Variants in FMOD observed in about 807,000 individuals in gnomAD.
The protein encoded by FMOD is fibromodulin.
In FMOD, 15 loss-of-function variants were observed where a neutral mutation model predicts 27.0. The observed-to-expected ratio is 0.55, with a 90% CI of 0.37 to 0.85. FMOD has a LOEUF of 0.85. Ranked by LOEUF, FMOD falls within the 40% of genes least tolerant of loss-of-function variation. The probability of loss-of-function intolerance (pLI) is 0.00; values close to 1 mark genes in which losing one functional copy is unlikely to be tolerated. For synonymous variants in FMOD, 210 were observed against 214.0 expected (o/e 0.98, Z 0.16); for missense variants, 460 against 483.2 (o/e 0.95, Z 0.45).
chr1:203,348,346 T>A, intron 1 of FMOD, 69 bp from the exon 2 acceptor site: 1 of 1,509,744 alleles, frequency 6.6e-7, no homozygotes, highest in East Asian at 2.3e-5. Flanking sequence ...TGAGGCAGAG[T>A]AGGCAAGCCT....
chr1:203,344,203 T>A (rs1259183266), intron 2 of FMOD, among the ~76,000 whole-genome samples: 7 of 152,154 alleles, frequency 4.6e-5, no homozygotes, highest in Non-Finnish European at 1.0e-4. Context: ...GTGGCTCAGC[T>A]TAAGTATCAT....
At chr1:203,346,906 C>T (rs773686012) in intron 2 of FMOD, among the ~76,000 whole-genome samples, 8 of 152,204 alleles carry the variant, frequency 5.3e-5, no homozygotes, top group Admixed American at 2.0e-4. Context: ...ATCTCAGACA[C>T]GTGACATTTC....
In FMOD at chr1:203,347,295, T is replaced by C; in HGVS notation, c.976A>G (p.Asn326Asp). The C allele has an allele frequency of 6.2e-7, 1 of 1,608,812 alleles. No individual in the cohort carries two copies. Among genetic ancestry groups the C allele is most frequent in the Non-Finnish European group, 8.5e-7 (1 of 1,177,402 alleles). The change falls in exon 2 of 3, where the codon AAT becomes GAT. Residue 326 changes from asparagine to aspartate, a missense_variant. Transcript: ENST00000354955. ...ENLYLQGNRI[N>D]EFSISSFCTV... ...CCTCCCTTTGCCAAGGTCTCACCAT[T>C]GATCCTATTGCCTTGGAGGTAGAGG...
Position 203,347,379 on chromosome 1 carries a change from G to T in FMOD, c.892C>A (p.Leu298Ile), listed in dbSNP as rs201969614. 10 of 1,614,212 alleles carry T rather than the reference G, an allele frequency of 6.2e-6. No homozygotes were observed. The East Asian group carries it at 2.0e-4, about 32-fold the overall frequency. ...NTFNSSSLLE[L>I]DLSYNQLQKI... ...TGCAGCTGGTTGTAGGAGAGGTCTA[G>T]CTCAAGGAGGCTGCTGGAATTGAAG... The change falls in exon 2 of 3, where the codon CTA (leucine) becomes ATA (isoleucine). Residue 298 changes from leucine to isoleucine, a missense_variant. Coordinates refer to ENST00000354955, the MANE Select transcript of FMOD (RefSeq NM_002023.5).
intron 1 of FMOD, 143 bp from the exon 2 acceptor site, chr1:203,348,420 C>T: frequency 1.2e-6 from 1 of 857,112 alleles, no homozygotes; most frequent in East Asian, 2.7e-5. Context: ...GCCTTGCTCT[C>T]ATTTCTTCGG....
chr1:203,350,060 C>T (rs1051434681), intron 1 of FMOD, among the ~76,000 whole-genome samples: 9 of 152,244 alleles, frequency 5.9e-5, no homozygotes, highest in African/African-American at 2.2e-4. Context: ...ACCAAGGTGG[C>T]TGTCTGGAGG....
chr1:203,348,355 C>A, intron 1 of FMOD, 78 bp from the exon 2 acceptor site: 1 of 1,480,014 alleles, frequency 6.8e-7, no homozygotes, highest in Non-Finnish European at 9.1e-7. Flanking sequence ...GTAGGCAAGC[C>A]TTAGGCTTTG....
At position 203,348,786 on chromosome 1, in the gene FMOD, G is replaced by T. The variant is rs542085259; in HGVS notation, c.-7-509C>A. 5.3e-5 allele frequency among the ~76,000 whole-genome samples: 8 copies of T among 152,360 alleles called. No individual in the cohort carries two copies. In the East Asian group the frequency reaches 1.2e-3, roughly 22 times the overall value. The stretch of plus-strand genomic sequence containing the variant: ...GGGAGACCTCCAGAAGCCGCTTGAC[G>T]CATCGAAGGGGAAGAGCTGAACTAC... On this transcript the variant is annotated intron_variant, in intron 1 of 2. Transcript: ENST00000354955.
intron 1 of FMOD, among the ~76,000 whole-genome samples, 192 bp from the exon 2 acceptor site, chr1:203,348,469 G>A (rs764013123): frequency 2.6e-4 from 39 of 152,188 alleles, no homozygotes; most frequent in Non-Finnish European, 5.1e-4. Context: ...GGTCCAGCCG[G>A]ACCATGGCTA....
At chr1:203,342,532 C>A in intron 2 of FMOD, 38 bp from the exon 3 acceptor site, 1 of 1,591,680 alleles carries the variant, frequency 6.3e-7, no homozygotes, top group African/African-American at 1.3e-5. Flanking sequence ...GGGAGAGAAG[C>A]CCAGATTACG....
At chr1:203,343,031 G>A (rs951476212) in intron 2 of FMOD, among the ~76,000 whole-genome samples, 39 of 152,150 alleles carry the variant, frequency 2.6e-4, no homozygotes, top group African/African-American at 9.4e-4. Flanking sequence ...TGTGTGCCAG[G>A]GCTTTGAGTG....
At chr1:203,349,965 C>CAT (rs1658962842) in intron 1 of FMOD, among the ~76,000 whole-genome samples, 1 of 152,238 alleles carries the variant, frequency 6.6e-6, no homozygotes, top group Non-Finnish European at 1.5e-5. Context: ...TGGCTGGTTC[C>CAT]TGGCTCTGGC....
chr1:203,348,163 G>C lies in FMOD; in HGVS notation c.108C>G (p.Ser36=). 1 of 1,614,174 alleles carries C rather than the reference G, an allele frequency of 6.2e-7. No individual in the cohort carries two copies. Among genetic ancestry groups the C allele is most frequent in the Non-Finnish European group, 8.5e-7 (1 of 1,180,032 alleles). The change falls in exon 2 of 3, where the codon TCC becomes TCG. Residue 36 remains serine (S), a synonymous_variant. Coordinates refer to ENST00000354955, the MANE Select transcript of FMOD (RefSeq NM_002023.5). ...AAGGGTCATAGGGATCGTAGTAGGTGGACTGCTGGCTGCGGAGGTAGTGGA... is the reference window on the plus strand; with the variant it reads ...AAGGGTCATAGGGATCGTAGTAGGTCGACTGCTGGCTGCGGAGGTAGTGGA... ...WWFHYLRSQQ[S]TYYDPYDPYP... is the part of the protein sequence containing the mutation.
Position 203,342,761 on chromosome 1 carries a change from G to A in FMOD, c.980-267C>T, listed in dbSNP as rs554234537. 5.4e-5 allele frequency among the ~76,000 whole-genome samples: 8 copies of A among 149,476 alleles called. No homozygotes were observed. The South Asian group carries it at 6.4e-4, about 12-fold the overall frequency. On this transcript the variant is annotated intron_variant, in intron 2 of 2. Transcript: ENST00000354955. ...TGCAGGCCCAGGAATGTTCTTAAGC[G>A]TCCTTCCCTCTGGGACATTTTTTTT...
Position 203,342,477 on chromosome 1 carries a change from A to G in FMOD, c.997T>C (p.Phe333Leu). ...NRINEFSISS[F>L]CTVVDVVNFS... The stretch of plus-strand genomic sequence containing the variant: ...TTCACGACGTCCACCACGGTGCAGA[A>G]GCTGCTGATGGAGAACTCTGTGGGG... Residue 333 changes from phenylalanine (F) to leucine (L), a missense_variant, in exon 3 of 3, where the codon TTC (phenylalanine) becomes CTC (leucine). Coordinates refer to ENST00000354955, the MANE Select transcript of FMOD (RefSeq NM_002023.5). 6.2e-7 allele frequency: 1 copy of G among 1,614,028 alleles called. No homozygotes were observed. The highest frequency in any genetic ancestry group is 8.5e-7 in the Non-Finnish European group (1 of 1,179,898).
chr1:203,344,225 C>T (rs567135132), intron 2 of FMOD, among the ~76,000 whole-genome samples: 131 of 152,228 alleles, frequency 8.6e-4, no homozygotes, highest in African/African-American at 3.0e-3. Context: ...TCCAGCCCTA[C>T]TTAGGATGGA....
At chr1:203,346,945 C>T (rs1419513042) in intron 2 of FMOD, among the ~76,000 whole-genome samples, 2 of 152,150 alleles carry the variant, frequency 1.3e-5, no homozygotes, top group African/African-American at 4.8e-5. Flanking sequence ...GACAGGTGAC[C>T]TGTGAAAATG....
At chr1:203,346,191 GGA>G (rs1235630769) in intron 2 of FMOD, among the ~76,000 whole-genome samples, 1 of 152,114 alleles carries the variant, frequency 6.6e-6, no homozygotes, top group Non-Finnish European at 1.5e-5. Flanking sequence ...GGAATGAGAG[GGA>G]GAGGGTGACG....
rs1361790295 is a variant in FMOD at position 203,341,896 on chromosome 1, G to A, written c.*447C>T. 2 of 154,450 alleles carry A rather than the reference G, an allele frequency of 1.3e-5. No homozygotes were observed. The highest frequency in any genetic ancestry group is 2.9e-5 in the Non-Finnish European group (2 of 69,686). 9.6% of individuals were successfully genotyped at this position (154,450 alleles called of 1,614,324 possible). ...GGCAGCTGGGCAAGAGGTATATTTT[G>A]AGAAGCAACAAATGGGAGCCCAGAG... On this transcript the variant is annotated 3_prime_UTR_variant, in exon 3 of 3. Coordinates refer to ENST00000354955, the MANE Select transcript of FMOD (RefSeq NM_002023.5).
Sources: allele counts gnomAD v4.1 joint callset (sites outside exome capture counted in the v4.1 genomes callset), GRCh38; gene constraint gnomAD v4.1.1; transcripts MANE v1.5; gene names NCBI Gene and HGNC (gene_info 2026-07-23, HGNC 2026-07-21).